EPB41L4B: variants seen among roughly 807,000 people sequenced by gnomAD.
EPB41L4B encodes band 4.1-like protein 4B.
A neutral mutation model predicts 112.5 loss-of-function variants in EPB41L4B; 30 were observed. That is an observed-to-expected ratio of 0.27 (90% confidence interval 0.20 to 0.36). The LOEUF is 0.36. Among genes scored for constraint, EPB41L4B ranks in the 10% least tolerant of loss-of-function variants. The pLI is 1.00. For missense variants in EPB41L4B, 1,024 were observed against 1,133.3 expected, an observed-to-expected ratio of 0.90 and a Z score of 1.38; for synonymous variants, 408 against 439.7, an observed-to-expected ratio of 0.93 and a Z score of 0.90.
At chr9:109,276,208 A>C (rs1835818333) in intron 2 of EPB41L4B, among the ~76,000 whole-genome samples, 1 of 148,650 alleles carries the variant, frequency 6.7e-6, no homozygotes, top group Non-Finnish European at 1.5e-5. Context: ...CACACAAATA[A>C]CAAACCCAAG....
chr9:109,205,342 T>C (rs1175254881), intron 18 of EPB41L4B, among the ~76,000 whole-genome samples: 1 of 152,064 alleles, frequency 6.6e-6, no homozygotes, highest in Admixed American at 6.5e-5. Context: ...TTCCCTATAC[T>C]TTACAAAATA....
chr9:109,279,748 G>A, intron 2 of EPB41L4B, 69 bp downstream of exon 2: 1 of 1,307,074 alleles, frequency 7.7e-7, no homozygotes, highest in Non-Finnish European at 1.1e-6. Flanking sequence ...CCCATTTCTA[G>A]CAACTGTGGA....
At chr9:109,198,990 A>T (rs1832734588) in intron 20 of EPB41L4B, among the ~76,000 whole-genome samples, 1 of 151,650 alleles carries the variant, frequency 6.6e-6, no homozygotes, top group Non-Finnish European at 1.5e-5. Flanking sequence ...AGTACTCACC[A>T]CCCTGATTAC....
chr9:109,173,823 C>T lies in EPB41L4B; in HGVS notation c.*731G>A, dbSNP rs1831712436. The T allele has an allele frequency of 6.6e-6, 1 of 152,522 alleles. No homozygotes were observed. Among genetic ancestry groups the T allele is most frequent in the South Asian group, 2.1e-4 (1 of 4,826 alleles). The allele number at this position is 152,522 out of a possible 1,614,324, so 9.4% of individuals were successfully genotyped here. On this transcript the variant is annotated 3_prime_UTR_variant, in exon 26 of 26. Coordinates refer to ENST00000374566, the MANE Select transcript of EPB41L4B (RefSeq NM_019114.5). ...TTCTATCAATACGACATGAATCGAT[C>T]AACTTTAGAAATAATTTTCTGAATC...
chr9:109,256,678 C>A (rs929087345), intron 7 of EPB41L4B, among the ~76,000 whole-genome samples, 198 bp from the exon 8 acceptor site: 2 of 152,242 alleles, frequency 1.3e-5, no homozygotes, highest in South Asian at 4.1e-4. Context: ...CGCAGTGACT[C>A]ACGCCTGTTA....
At chr9:109,209,281 C>A (rs532171377) in intron 17 of EPB41L4B, among the ~76,000 whole-genome samples, 14 of 151,902 alleles carry the variant, frequency 9.2e-5, no homozygotes, top group African/African-American at 2.9e-4. Flanking sequence ...GTAGACCAAG[C>A]AGAACTTTCC....
intron 23 of EPB41L4B, 143 bp from the exon 24 acceptor site, chr9:109,182,940 C>A (rs1029411279): frequency 1.4e-4 from 93 of 642,358 alleles, no homozygotes; most frequent in African/African-American, 6.4e-4. Context: ...AGGGCACATA[C>A]AAAGGGTCCC....
At chr9:109,235,921 C>T (rs1834125451) in intron 15 of EPB41L4B, among the ~76,000 whole-genome samples, 1 of 152,234 alleles carries the variant, frequency 6.6e-6, no homozygotes, top group Non-Finnish European at 1.5e-5. Flanking sequence ...GGTCCCATGG[C>T]TAGTAAGTGG....
chr9:109,192,168 A>G (rs1832481880), intron 22 of EPB41L4B, 110 bp downstream of exon 22: 11 of 839,406 alleles, frequency 1.3e-5, no homozygotes, highest in Non-Finnish European at 2.1e-5. Context: ...CCTCCAGGAC[A>G]AGAGGAAGAG....
intron 4 of EPB41L4B, among the ~76,000 whole-genome samples, chr9:109,266,312 G>A (rs139469050): frequency 0.017 from 2,519 of 152,140 alleles, 33 homozygotes; most frequent in South Asian, 0.022. Flanking sequence ...GGAGGTTGAG[G>A]CTGCAGTAAG....
intron 13 of EPB41L4B, among the ~76,000 whole-genome samples, chr9:109,249,904 GA>G (rs1834717557): frequency 6.6e-6 from 1 of 152,210 alleles, no homozygotes; most frequent in Non-Finnish European, 1.5e-5. Flanking sequence ...GAATGACGCT[GA>G]AAGTAGGATT....
At position 109,173,564 on chromosome 9, in the gene EPB41L4B, A is replaced by G. The variant is rs1448131554; in HGVS notation, c.*990T>C. The G allele has an allele frequency of 6.6e-6, 1 of 152,654 alleles. No homozygotes were observed. The highest frequency in any genetic ancestry group is 1.5e-5 in the Non-Finnish European group (1 of 68,036). The allele number at this position is 152,654 out of a possible 1,614,324, so 9.5% of individuals were successfully genotyped here. A position where few individuals can be genotyped will look rare whatever the true frequency, so the allele number is the denominator to read the frequency against. ...TGGTGAGAGTAGAATCTGTGTTGAC[A>G]AGAGGAGACAAGTGTTAGGCCGAGA... On this transcript the variant is annotated 3_prime_UTR_variant, in exon 26 of 26. Coordinates refer to ENST00000374566, the MANE Select transcript of EPB41L4B (RefSeq NM_019114.5).
chr9:109,219,430 A>T (rs770720747), intron 15 of EPB41L4B, among the ~76,000 whole-genome samples: 21 of 152,024 alleles, frequency 1.4e-4, no homozygotes, highest in Non-Finnish European at 1.5e-5. Flanking sequence ...GCGCGATCTC[A>T]GCTCACTGCA....
chr9:109,308,570 C>G (rs867465808), intron 1 of EPB41L4B, among the ~76,000 whole-genome samples: 1 of 152,168 alleles, frequency 6.6e-6, no homozygotes. Context: ...GGCCGAATAT[C>G]TGACACTAAA....
At chr9:109,230,703 A>G (rs1347749581) in intron 15 of EPB41L4B, among the ~76,000 whole-genome samples, 1 of 152,194 alleles carries the variant, frequency 6.6e-6, no homozygotes, top group Non-Finnish European at 1.5e-5. Flanking sequence ...CTTTTTCATA[A>G]TGGATTTTCG....
chr9:109,194,521 G>T, intron 20 of EPB41L4B, 124 bp from the exon 21 acceptor site: 1 of 1,010,240 alleles, frequency 9.9e-7, no homozygotes, highest in South Asian at 1.8e-5. Flanking sequence ...CCAAACAGAT[G>T]TCCACCAGAT....
intron 9 of EPB41L4B, 128 bp from the exon 10 acceptor site, chr9:109,255,971 T>C (rs1834968492): frequency 1.6e-6 from 2 of 1,233,610 alleles, no homozygotes; most frequent in East Asian, 4.8e-5. Context: ...CCAAGTGTGA[T>C]TATCCAGAAG....
intron 15 of EPB41L4B, among the ~76,000 whole-genome samples, chr9:109,235,111 T>C (rs1373368372): frequency 1.3e-5 from 2 of 152,246 alleles, no homozygotes; most frequent in East Asian, 1.9e-4. Flanking sequence ...AATTCTGCCA[T>C]GTGCAGATGG....
intron 6 of EPB41L4B, among the ~76,000 whole-genome samples, chr9:109,260,113 C>G (rs1295075021): frequency 6.6e-6 from 1 of 152,178 alleles, no homozygotes; most frequent in Non-Finnish European, 1.5e-5. Context: ...GTTGCCTAGG[C>G]TGGAGTGCAG....
Sources: allele counts gnomAD v4.1 joint callset (sites outside exome capture counted in the v4.1 genomes callset), GRCh38; gene constraint gnomAD v4.1.1; transcripts MANE v1.5; gene names NCBI Gene and HGNC (gene_info 2026-07-23, HGNC 2026-07-21).